ADGRL4: variants seen among roughly 807,000 people sequenced by gnomAD.
ADGRL4 encodes EGF, latrophilin and seven transmembrane domain containing 1.
Under a neutral mutation model 74.8 loss-of-function variants are expected in ADGRL4, and 90 were observed. That is an observed-to-expected ratio of 1.20 (90% CI 1.02 to 1.43). ADGRL4 has a LOEUF of 1.43. ADGRL4 is among the 40% of genes most tolerant of loss of function. The pLI, the probability that ADGRL4 is intolerant of heterozygous loss-of-function variation, is 0.00. For missense variants in ADGRL4, 881 were observed against 814.3 expected (o/e 1.08, Z -1.00); for synonymous variants, 311 against 279.2 (o/e 1.11, Z -1.14).
chr1:78,889,767 A>C lies in ADGRL4; in HGVS notation c.*1387T>G, dbSNP rs1648226616. ...AGCAAAGCTGTAGCGGAATTACTTC[A>C]TTTAGATAACATTTTATTTGTTAGA... On this transcript the variant is annotated 3_prime_UTR_variant, in exon 15 of 15. Coordinates refer to ENST00000370742, the MANE Select transcript of ADGRL4 (RefSeq NM_022159.4). The C allele has an allele frequency of 2.2e-6, 1 of 448,206 alleles. No individual in the cohort carries two copies. The highest frequency in any genetic ancestry group is 2.6e-5 in the Admixed American group (1 of 39,112). 27.8% of individuals were successfully genotyped at this position (448,206 alleles called of 1,614,324 possible).
At chr1:78,979,497 T>C (rs960444897) in intron 2 of ADGRL4, among the ~76,000 whole-genome samples, 4 of 152,094 alleles carry the variant, frequency 2.6e-5, no homozygotes, top group South Asian at 2.1e-4. Flanking sequence ...AGAATACTAA[T>C]ATTTAAGCTA....
At chr1:78,938,410 T>G in intron 4 of ADGRL4, 131 bp from the exon 5 acceptor site, 1 of 565,588 alleles carries the variant, frequency 1.8e-6, no homozygotes, top group East Asian at 3.3e-5. Context: ...ATCAAACTAA[T>G]AAACCTAAAC....
chr1:78,978,245 C>T (rs78727867), intron 2 of ADGRL4, among the ~76,000 whole-genome samples: 1,682 of 151,960 alleles, frequency 0.011, 29 homozygotes, highest in African/African-American at 0.038. Flanking sequence ...ATTGTCATGT[C>T]CCAGATTTCT....
At position 78,936,297 on chromosome 1, in the gene ADGRL4, T is replaced by C; in HGVS notation, c.875A>G (p.Asn292Ser). ...CTGTTAGATTGTTAAAGTCCTACCA[T>C]TTGAATCATATGCAGCTTTTCTCTT... ...FPKRKAAYDS[N>S]GNVAVAFVYY... Residue 292 changes from asparagine (N) to serine (S), a missense_variant and splice_region_variant, in exon 7 of 15, where the codon AAT (asparagine) becomes AGT (serine). Transcript: ENST00000370742. The C allele has an allele frequency of 6.3e-7, 1 of 1,591,766 alleles. No homozygotes were observed. The highest frequency in any genetic ancestry group is 8.5e-7 in the Non-Finnish European group (1 of 1,172,060).
At chr1:79,003,490 A>G (rs1650884307) in intron 2 of ADGRL4, among the ~76,000 whole-genome samples, 1 of 146,028 alleles carries the variant, frequency 6.8e-6, no homozygotes, top group East Asian at 2.0e-4. Flanking sequence ...ACTGCAGGCC[A>G]AAAGGTCTTA....
intron 12 of ADGRL4, among the ~76,000 whole-genome samples, chr1:78,916,299 T>A (rs1648871934): frequency 6.6e-6 from 1 of 151,876 alleles, no homozygotes; most frequent in Admixed American, 6.6e-5. Flanking sequence ...GAGTCATTGC[T>A]CCACGGACCT....
chr1:79,000,031 C>T (rs890748464), intron 2 of ADGRL4, among the ~76,000 whole-genome samples: 2 of 152,058 alleles, frequency 1.3e-5, no homozygotes, highest in African/African-American at 2.4e-5. Context: ...TAAAATTTTG[C>T]ATAACATTTT....
At chr1:78,903,892 C>T (rs1048460950) in intron 12 of ADGRL4, among the ~76,000 whole-genome samples, 2 of 151,072 alleles carry the variant, frequency 1.3e-5, no homozygotes, top group Non-Finnish European at 2.9e-5. Context: ...GCTGAGATCA[C>T]GCCACTGCAC....
At chr1:78,997,631 A>G (rs1363734841) in intron 2 of ADGRL4, among the ~76,000 whole-genome samples, 3 of 152,216 alleles carry the variant, frequency 2.0e-5, no homozygotes, top group Admixed American at 1.3e-4. Context: ...CATATAAATC[A>G]GAGTGTTTTC....
chr1:78,957,651 A>C (rs1649863391), intron 2 of ADGRL4, among the ~76,000 whole-genome samples: 1 of 152,198 alleles, frequency 6.6e-6, no homozygotes, highest in East Asian at 1.9e-4. Flanking sequence ...TCGGTTCATG[A>C]GGTTTAAGGA....
At chr1:78,893,295 AT>A in intron 12 of ADGRL4, 106 bp from the exon 13 acceptor site, 1 of 749,240 alleles carries the variant, frequency 1.3e-6, no homozygotes, top group Non-Finnish European at 2.2e-6. Context: ...ACTAAAAATC[AT>A]GGCATTTATA....
intron 8 of ADGRL4, among the ~76,000 whole-genome samples, chr1:78,923,977 A>G (rs1053448909): frequency 6.6e-6 from 1 of 151,760 alleles, no homozygotes; most frequent in African/African-American, 2.4e-5. Flanking sequence ...AAGACTCACA[A>G]AATGTTTACT....
chr1:78,971,745 C>G (rs1166957059), intron 2 of ADGRL4, among the ~76,000 whole-genome samples: 1 of 149,598 alleles, frequency 6.7e-6, no homozygotes, highest in East Asian at 2.1e-4. Context: ...ACGTTCATTG[C>G]AGGATTTGTT....
In ADGRL4 at chr1:78,920,291, G is replaced by A. The variant is rs1452989557; in HGVS notation, c.1353C>T (p.Phe451=). The A allele has an allele frequency of 9.9e-6, 16 of 1,611,716 alleles. No homozygotes were observed. Among genetic ancestry groups the A allele is most frequent in the Non-Finnish European group, 1.4e-5 (16 of 1,178,516 alleles). The change falls in exon 10 of 15, where the codon TTC becomes TTT. Residue 451 remains phenylalanine (F), a synonymous_variant. Transcript: ENST00000370742. ...TCCTGGTGCTTTGAATTTCACTGAA[G>A]AACCAGAAGGTAAAAATGCATATGG... is the stretch of plus-strand genomic sequence containing the variant. ...CLAICIFTFW[F]FSEIQSTRTT...
At chr1:78,912,459 A>G (rs1648781432) in intron 12 of ADGRL4, among the ~76,000 whole-genome samples, 1 of 151,850 alleles carries the variant, frequency 6.6e-6, no homozygotes, top group South Asian at 2.1e-4. Flanking sequence ...CATCAGCAGC[A>G]TTAGCTTCTC....
At chr1:78,945,177 A>AAAAAAAAAATATATATAT (rs376405445) in intron 3 of ADGRL4, among the ~76,000 whole-genome samples, 36 of 127,912 alleles carry the variant, frequency 2.8e-4, no homozygotes, top group Non-Finnish European at 4.5e-4. Context: ...AAAAAAAAAA[A>AAAAAAAAAATATATATAT]ATATATATAT....
chr1:78,998,550 A>G (rs977533060), intron 2 of ADGRL4, among the ~76,000 whole-genome samples: 1 of 151,574 alleles, frequency 6.6e-6, no homozygotes, highest in East Asian at 1.9e-4. Context: ...TTGTATTTTT[A>G]GTAGAGACGG....
rs1649350290 is a variant in ADGRL4, at chr1:78,936,282, G to A, written c.877+13C>T. On this transcript the variant is annotated intron_variant, in intron 7 of 14. Coordinates refer to ENST00000370742, the MANE Select transcript of ADGRL4 (RefSeq NM_022159.4). ...TCATTGATATATTGTCTGTTAGATT[G>A]TTAAAGTCCTACCATTTGAATCATA... 1 of 1,585,152 alleles carries A rather than the reference G, an allele frequency of 6.3e-7. No individual in the cohort carries two copies. Among genetic ancestry groups the A allele is most frequent in the Non-Finnish European group, 8.6e-7 (1 of 1,169,102 alleles).
chr1:78,961,448 C>T lies in ADGRL4; in HGVS notation c.173-15022G>A, dbSNP rs150801394. ...GAGTACTTCAGTATGTTTTAAAGTGCGGTAATGATCTGCTACTTTGACTGT... is the reference window on the plus strand; with the variant it reads ...GAGTACTTCAGTATGTTTTAAAGTGTGGTAATGATCTGCTACTTTGACTGT... On this transcript the variant is annotated intron_variant, in intron 2 of 14. Transcript: ENST00000370742. Among the ~76,000 whole-genome samples, 568 of 152,042 alleles carry T rather than the reference C, an allele frequency of 3.7e-3. 1 individual carries two copies. The highest frequency in any genetic ancestry group is 5.1e-3 in the Non-Finnish European group (347 of 67,984).
Sources: gnomAD v4.1 joint callset for allele counts (sites outside exome capture counted in the v4.1 genomes callset) on GRCh38, gnomAD v4.1.1 for gene constraint, MANE v1.5 for transcripts, NCBI Gene and HGNC (gene_info 2026-07-23, HGNC 2026-07-21) for gene names.